ARHGAP10: variants seen among roughly 807,000 people sequenced by gnomAD.
ARHGAP10 encodes the protein Rho GTPase activating protein 10, also known as rho GTPase-activating protein 10.
In ARHGAP10, 87 loss-of-function variants were observed where a neutral mutation model predicts 108.6. That is an observed-to-expected ratio of 0.80 (90% CI 0.67 to 0.96). The LOEUF (loss-of-function observed/expected upper bound fraction) is 0.96. Among genes scored for constraint, ARHGAP10 ranks in the 40% least tolerant of loss-of-function variants. ARHGAP10 has a pLI of 0.00. For missense variants in ARHGAP10, 939 were observed against 954.5 expected (o/e 0.98, Z 0.21); for synonymous variants, 347 against 341.1 (o/e 1.02, Z -0.19).
intron 16 of ARHGAP10, among the ~76,000 whole-genome samples, chr4:147,961,643 G>A (rs1739002426): frequency 6.6e-6 from 1 of 151,538 alleles, no homozygotes; most frequent in Non-Finnish European, 1.5e-5. Context: ...TTCTGAACAG[G>A]TGTTCTGAAA....
chr4:147,952,642 A>G (rs1169601077), intron 15 of ARHGAP10, among the ~76,000 whole-genome samples: 14 of 152,264 alleles, frequency 9.2e-5, no homozygotes, highest in African/African-American at 2.9e-4. Context: ...GTTAAAAAAT[A>G]TATTTTGAGT....
intron 1 of ARHGAP10, among the ~76,000 whole-genome samples, chr4:147,739,554 T>C (rs1356041423): frequency 1.3e-5 from 2 of 152,128 alleles, no homozygotes; most frequent in African/African-American, 4.8e-5. Context: ...CAGCTTGTAT[T>C]TGCTATGGTA....
At chr4:147,751,821 C>T (rs1374692218) in intron 1 of ARHGAP10, among the ~76,000 whole-genome samples, 1 of 151,714 alleles carries the variant, frequency 6.6e-6, no homozygotes, top group Non-Finnish European at 1.5e-5. Flanking sequence ...TTGACATTTG[C>T]CCGAGGGTAC....
chr4:147,999,056 C>T (rs1740591866), intron 18 of ARHGAP10, among the ~76,000 whole-genome samples: 1 of 152,140 alleles, frequency 6.6e-6, no homozygotes, highest in African/African-American at 2.4e-5. Flanking sequence ...AACTGTTATG[C>T]TAACATTGAG....
At chr4:147,894,365 G>A (rs1579169788) in intron 10 of ARHGAP10, among the ~76,000 whole-genome samples, 1 of 152,278 alleles carries the variant, frequency 6.6e-6, no homozygotes, top group South Asian at 2.1e-4. Flanking sequence ...CTTCTGTCAT[G>A]AAGTGTCTAT....
At chr4:147,804,781 C>T (rs759974184) in intron 1 of ARHGAP10, among the ~76,000 whole-genome samples, 20 of 151,902 alleles carry the variant, frequency 1.3e-4, no homozygotes, top group Admixed American at 2.0e-4. Context: ...ACATGTATGT[C>T]GTCTTTTGAA....
At chr4:148,051,232 G>A (rs1434902511) in intron 20 of ARHGAP10, among the ~76,000 whole-genome samples, 3 of 152,192 alleles carry the variant, frequency 2.0e-5, no homozygotes, top group Non-Finnish European at 4.4e-5. Flanking sequence ...TTACTTACCT[G>A]TACCCTCAGT....
At chr4:147,733,550 C>T (rs970735196) in intron 1 of ARHGAP10, among the ~76,000 whole-genome samples, 3 of 152,190 alleles carry the variant, frequency 2.0e-5, no homozygotes, top group African/African-American at 7.2e-5. Flanking sequence ...CTTAGGTATT[C>T]GTCCCTTGTA....
At chr4:147,924,946 G>C (rs1245676088) in intron 13 of ARHGAP10, among the ~76,000 whole-genome samples, 2 of 151,862 alleles carry the variant, frequency 1.3e-5, no homozygotes, top group African/African-American at 4.8e-5. Context: ...TTGATTTAAG[G>C]CTCTAGGAGA....
At position 147,941,143 on chromosome 4, in the gene ARHGAP10, A is replaced by T. The variant is rs182296773; in HGVS notation, c.1303+1244A>T. Among the ~76,000 whole-genome samples, 334 of 152,364 alleles carry T rather than the reference A, an allele frequency of 2.2e-3. 1 individual carries two copies. Among genetic ancestry groups the T allele is most frequent in the African/African-American group, 7.3e-3 (305 of 41,592 alleles). On this transcript the variant is annotated intron_variant, in intron 14 of 22. Transcript: ENST00000336498. ...CTTCTTTCATTTCCAAGATGGTGTT[A>T]TGATGATTAGAACTGGAAGAGTATA...
chr4:147,766,413 A>G lies in ARHGAP10; in HGVS notation c.154+33958A>G, dbSNP rs575473492. 1.8e-3 allele frequency among the ~76,000 whole-genome samples: 281 copies of G among 152,116 alleles called. 1 individual carries two copies. The highest frequency in any genetic ancestry group is 0.01 in the Middle Eastern group (3 of 294). ...AATGCTATGTAAATAGTTATATTGT[A>G]TTGTTCAGGGAATATAAGAAGAAAA... On this transcript the variant is annotated intron_variant, in intron 1 of 22. Coordinates refer to ENST00000336498, the MANE Select transcript of ARHGAP10 (RefSeq NM_024605.4).
intron 18 of ARHGAP10, among the ~76,000 whole-genome samples, chr4:148,020,546 GT>G (rs561409036): frequency 1.4e-4 from 19 of 132,840 alleles, no homozygotes; most frequent in East Asian, 2.9e-4. Flanking sequence ...TGCGTTTTTT[GT>G]TTTTTTTTTT....
chr4:147,904,521 T>A (rs1175453655), intron 10 of ARHGAP10, among the ~76,000 whole-genome samples: 4 of 152,160 alleles, frequency 2.6e-5, no homozygotes, highest in African/African-American at 9.7e-5. Flanking sequence ...CTGATAATGA[T>A]GATTTCCAAT....
rs909073405 is a variant in ARHGAP10, at chr4:147,906,621, T to C, written c.1035-17T>C. The C allele has an allele frequency of 1.2e-6, 2 of 1,613,956 alleles. No individual in the cohort carries two copies. Among genetic ancestry groups the C allele is most frequent in the Non-Finnish European group, 1.7e-6 (2 of 1,179,870 alleles). ...AGTGGCCAAGGGGTAACCTGATATG[T>C]TACTGGTGTCTTTCAGGCCTGGCGT... is the stretch of plus-strand genomic sequence containing the variant. On this transcript the variant is annotated splice_polypyrimidine_tract_variant and intron_variant, in intron 10 of 22. Transcript: ENST00000336498.
At chr4:147,999,574 C>A (rs1315595104) in intron 18 of ARHGAP10, among the ~76,000 whole-genome samples, 1 of 152,218 alleles carries the variant, frequency 6.6e-6, no homozygotes, top group Admixed American at 6.5e-5. Flanking sequence ...TGCCATTGTT[C>A]CTGCACAGCT....
chr4:148,001,930 G>T (rs1484497399), intron 18 of ARHGAP10, among the ~76,000 whole-genome samples: 4 of 152,050 alleles, frequency 2.6e-5, no homozygotes, highest in Non-Finnish European at 5.9e-5. Flanking sequence ...GATTGCCCTG[G>T]CCAGAACTTC....
intron 1 of ARHGAP10, among the ~76,000 whole-genome samples, chr4:147,786,909 C>T (rs1730912831): frequency 6.6e-6 from 1 of 152,250 alleles, no homozygotes; most frequent in Middle Eastern, 3.2e-3. Flanking sequence ...CAGTGGCCTT[C>T]TCCAGGGTCA....
intron 18 of ARHGAP10, among the ~76,000 whole-genome samples, chr4:148,006,200 A>C (rs78453474): frequency 0.05 from 7,603 of 152,246 alleles, 215 homozygotes; most frequent in South Asian, 0.058. Context: ...AGCATTGAGG[A>C]AGCCCATGCT....
At chr4:147,787,800 C>G (rs1730953322) in intron 1 of ARHGAP10, among the ~76,000 whole-genome samples, 1 of 152,056 alleles carries the variant, frequency 6.6e-6, no homozygotes, top group African/African-American at 2.4e-5. Context: ...GTAACAGAAC[C>G]TCATCTTTGG....
Sources: gnomAD v4.1 joint callset for allele counts (sites outside exome capture counted in the v4.1 genomes callset) on GRCh38, gnomAD v4.1.1 for gene constraint, MANE v1.5 for transcripts, NCBI Gene and HGNC (gene_info 2026-07-23, HGNC 2026-07-21) for gene names.